Variants in ZBTB7C observed in about 807,000 individuals in gnomAD.
ZBTB7C encodes zinc finger and BTB domain containing 7C, also known as zinc finger and BTB domain-containing protein 7C.
In ZBTB7C, 8 loss-of-function variants were observed where a neutral mutation model predicts 25.7. The observed-to-expected ratio is 0.31, with a 90% CI of 0.18 to 0.56. The LOEUF (loss-of-function observed/expected upper bound fraction) is 0.56, where lower values mean the gene tolerates loss of function less well. ZBTB7C is among the 20% of genes least tolerant of loss of function. The pLI is 0.91. For missense variants in ZBTB7C, 824 were observed against 855.2 expected (o/e 0.96, Z 0.46); for synonymous variants, 394 against 369.0 (o/e 1.07, Z -0.78).
chr18:48,269,270 G>A (rs2044405541), intron 2 of ZBTB7C, among the ~76,000 whole-genome samples: 1 of 152,138 alleles, frequency 6.6e-6, no homozygotes, highest in African/African-American at 2.4e-5. Flanking sequence ...GGCCTGCTCT[G>A]TTTCAAAGAT....
chr18:48,049,496 T>C (rs2036600972), intron 3 of ZBTB7C, among the ~76,000 whole-genome samples: 1 of 152,214 alleles, frequency 6.6e-6, no homozygotes, highest in Admixed American at 6.5e-5. Flanking sequence ...TGGTAGACAC[T>C]GTATGAATGA....
intron 2 of ZBTB7C, among the ~76,000 whole-genome samples, chr18:48,202,632 G>T (rs971959382): frequency 6.6e-6 from 1 of 152,070 alleles, no homozygotes; most frequent in African/African-American, 2.4e-5. Context: ...CAGATCCTCA[G>T]TGGGGATGGG....
chr18:48,154,378 C>T (rs1025027774), intron 3 of ZBTB7C, among the ~76,000 whole-genome samples: 3 of 152,196 alleles, frequency 2.0e-5, no homozygotes, highest in Admixed American at 6.5e-5. Context: ...TGGGACTGTT[C>T]TCTGGCACAG....
At chr18:48,320,518 G>A (rs555044785) in intron 2 of ZBTB7C, among the ~76,000 whole-genome samples, 19 of 152,314 alleles carry the variant, frequency 1.2e-4, no homozygotes, top group Admixed American at 3.3e-4. Context: ...GAGAGGTGAC[G>A]GCTGCCAGCA....
intron 3 of ZBTB7C, among the ~76,000 whole-genome samples, chr18:48,060,563 G>A (rs1410004147): frequency 1.3e-5 from 2 of 152,094 alleles, no homozygotes; most frequent in Non-Finnish European, 2.9e-5. Context: ...CCACCAGCCT[G>A]GCCTTGCCCA....
chr18:48,351,988 C>A (rs1199697338), intron 1 of ZBTB7C, among the ~76,000 whole-genome samples: 1 of 152,126 alleles, frequency 6.6e-6, no homozygotes, highest in Non-Finnish European at 1.5e-5. Context: ...CTGCCCAGCC[C>A]CCTTCCTCAC....
intron 2 of ZBTB7C, among the ~76,000 whole-genome samples, chr18:48,288,579 C>G (rs1056735551): frequency 6.6e-6 from 1 of 152,098 alleles, no homozygotes; most frequent in Non-Finnish European, 1.5e-5. Context: ...TTGCTTGAAC[C>G]TGGGAGGTGG....
intron 3 of ZBTB7C, among the ~76,000 whole-genome samples, chr18:48,162,982 G>C (rs1393709344): frequency 6.6e-6 from 1 of 152,216 alleles, no homozygotes; most frequent in Non-Finnish European, 1.5e-5. Context: ...TCCTGTCTAG[G>C]AGAATGAAAC....
intron 3 of ZBTB7C, among the ~76,000 whole-genome samples, chr18:48,114,276 A>G (rs2039346963): frequency 6.6e-6 from 1 of 152,094 alleles, no homozygotes; most frequent in Non-Finnish European, 1.5e-5. Context: ...CAGCAATCCC[A>G]CTCTCGGACA....
intron 2 of ZBTB7C, among the ~76,000 whole-genome samples, chr18:48,326,095 C>CATT (rs2046212606): frequency 7.9e-6 from 1 of 126,178 alleles, no homozygotes. Flanking sequence ...CTACCAACAT[C>CATT]TTTTTTTTTT....
intron 2 of ZBTB7C, among the ~76,000 whole-genome samples, chr18:48,287,154 C>A (rs910073832): frequency 1.4e-5 from 2 of 145,194 alleles, no homozygotes; most frequent in Non-Finnish European, 3.0e-5. Context: ...CAAAGAGAAA[C>A]AAGTTATATT....
intron 3 of ZBTB7C, among the ~76,000 whole-genome samples, chr18:48,043,036 A>AT (rs2036318564): frequency 6.6e-6 from 1 of 151,236 alleles, no homozygotes; most frequent in Non-Finnish European, 1.5e-5. Context: ...ATCATAAGAC[A>AT]TCACTACATA....
intron 3 of ZBTB7C, among the ~76,000 whole-genome samples, chr18:48,125,496 T>C (rs1016229714): frequency 6.6e-6 from 1 of 152,254 alleles, no homozygotes; most frequent in Non-Finnish European, 1.5e-5. Flanking sequence ...GACAGCCCTC[T>C]GTGCCATGGT....
chr18:48,217,974 C>T (rs1192483813), intron 2 of ZBTB7C, among the ~76,000 whole-genome samples: 2 of 152,144 alleles, frequency 1.3e-5, no homozygotes, highest in Admixed American at 6.5e-5. Flanking sequence ...AGTAGACAGA[C>T]CACAGCAAAG....
At chr18:48,265,781 G>A (rs776835737) in intron 2 of ZBTB7C, among the ~76,000 whole-genome samples, 1 of 152,188 alleles carries the variant, frequency 6.6e-6, no homozygotes, top group African/African-American at 2.4e-5. Flanking sequence ...ATGGGAGACA[G>A]GGAAAGACTG....
Position 48,129,784 on chromosome 18 carries a change from C to G in ZBTB7C, c.-17+56150G>C, listed in dbSNP as rs556242457. The stretch of plus-strand genomic sequence containing the variant: ...CCTCCTCCACCCCACCTCCCCACCC[C>G]CTGACAGCTTTAATAAACTGTGATT... On this transcript the variant is annotated intron_variant, in intron 3 of 4. Transcript: ENST00000590800. Among the ~76,000 whole-genome samples the G allele has an allele frequency of 3.9e-5, 6 of 152,328 alleles. No individual in the cohort carries two copies. In the East Asian group the frequency reaches 1.2e-3, roughly 29 times the overall value.
intron 3 of ZBTB7C, among the ~76,000 whole-genome samples, chr18:48,180,112 T>TTTCCTTCCCTCC (rs2041866989): frequency 1.9e-5 from 1 of 52,088 alleles, no homozygotes; most frequent in South Asian, 1.3e-3. Context: ...CCTTCCTTCC[T>TTTCCTTCCCTCC]TTCCTTCCTT....
chr18:48,157,773 G>A (rs537088248), intron 3 of ZBTB7C, among the ~76,000 whole-genome samples: 21 of 152,202 alleles, frequency 1.4e-4, no homozygotes, highest in Admixed American at 2.0e-4. Context: ...TAGAACACCC[G>A]CTGGCATATA....
chr18:48,202,206 T>C (rs1261227699), intron 2 of ZBTB7C, among the ~76,000 whole-genome samples: 1 of 152,140 alleles, frequency 6.6e-6, no homozygotes, highest in Non-Finnish European at 1.5e-5. Flanking sequence ...GACATGGACA[T>C]TGCCTTCCAT....
Sources: allele counts gnomAD v4.1 joint callset (sites outside exome capture counted in the v4.1 genomes callset), GRCh38; gene constraint gnomAD v4.1.1; transcripts MANE v1.5; gene names NCBI Gene and HGNC (gene_info 2026-07-23, HGNC 2026-07-21).